The following KMT2E variants were observed in gnomAD, a reference collection of about 807,000 sequenced individuals.
KMT2E encodes the protein lysine methyltransferase 2E (inactive), also known as histone reader KMT2E.
KMT2E carries 30 observed loss-of-function variants against 184.6 expected under a neutral mutation model. The observed-to-expected ratio is 0.16, with a 90% confidence interval of 0.12 to 0.22. The LOEUF (loss-of-function observed/expected upper bound fraction) is 0.22, where lower values mean the gene tolerates loss of function less well. KMT2E is among the 10% of genes least tolerant of loss of function. The pLI is 1.00. For synonymous variants in KMT2E, 815 were observed against 776.5 expected (o/e 1.05, Z -0.82); for missense variants, 2,023 against 2,237.4 (o/e 0.90, Z 1.93).
intron 1 of KMT2E, among the ~76,000 whole-genome samples, chr7:105,035,499 A>G (rs1584706495): frequency 2.0e-5 from 3 of 150,426 alleles, no homozygotes; most frequent in East Asian, 3.9e-4. Flanking sequence ...TCCACTCAGC[A>G]TAATTACCTT....
chr7:105,041,301 A>T (rs1008316804), intron 3 of KMT2E, among the ~76,000 whole-genome samples: 2 of 152,116 alleles, frequency 1.3e-5, no homozygotes, highest in African/African-American at 4.8e-5. Context: ...GAAGCGATAC[A>T]TTTTTTACCA....
rs572580992 is a variant in KMT2E at position 105,084,161 on chromosome 7, T to C, written c.1358+2364T>C. ...TTATTATTTTTTACAATGGTACTTA[T>C]GCTGGATTCATTTATCTTGAGATGG... On this transcript the variant is annotated intron_variant, in intron 13 of 26. Coordinates refer to ENST00000311117, the MANE Select transcript of KMT2E (RefSeq NM_182931.3). Among the ~76,000 whole-genome samples the C allele has an allele frequency of 1.3e-4, 20 of 152,334 alleles. 1 individual carries two copies. In the South Asian group the frequency reaches 3.9e-3, roughly 30 times the overall value.
rs1797767444 is a variant in KMT2E at position 105,081,629 on chromosome 7, C to CT, written c.1249-58dup. On this transcript the variant is annotated intron_variant, in intron 12 of 26. Coordinates refer to ENST00000311117, the MANE Select transcript of KMT2E (RefSeq NM_182931.3). ...AAAGAATAATTTTCAAAATTGTAAGCTGATGCTTCTGAAGGCAGAAAGTAA... is the reference window on the plus strand; with the variant it reads ...AAAGAATAATTTTCAAAATTGTAAGCTTGATGCTTCTGAAGGCAGAAAGTAA... 17 of 830,372 alleles carry CT rather than the reference C, an allele frequency of 2.0e-5. No homozygotes were observed. In the South Asian group the frequency reaches 2.5e-4, roughly 12 times the overall value. The allele number at this position is 830,372 out of a possible 1,614,324, so 51.4% of individuals were successfully genotyped here.
Position 105,110,867 on chromosome 7 carries a change from A to G in KMT2E, c.4067A>G (p.Lys1356Arg). The change falls in exon 26 of 27, where the codon AAG becomes AGG. Residue 1356 changes from lysine (K) to arginine (R), a missense_variant and splice_region_variant. Around this residue, in one of 8 missense-constraint regions of KMT2E, gnomAD observed 1,108 missense variants for 1,050.9 expected, o/e 1.05. Coordinates refer to ENST00000311117, the MANE Select transcript of KMT2E (RefSeq NM_182931.3). ...NTCKSPPKMS[K>R]PGSPGSVIPA... ...TGTAAAAGTCCTCCAAAAATGAGCA[A>G]GGTAATAACATTGACCTTTCGATGG... The G allele has an allele frequency of 6.2e-7, 1 of 1,607,030 alleles. No homozygotes were observed. The highest frequency in any genetic ancestry group is 8.5e-7 in the Non-Finnish European group (1 of 1,173,562).
intron 1 of KMT2E, among the ~76,000 whole-genome samples, chr7:105,019,770 G>C (rs957280668): frequency 7.2e-5 from 11 of 152,070 alleles, no homozygotes; most frequent in African/African-American, 2.7e-4. Context: ...TAATCCAAAG[G>C]AAGAAACATT....
intron 6 of KMT2E, among the ~76,000 whole-genome samples, chr7:105,068,459 CTT>C (rs951515353): frequency 7.0e-6 from 1 of 142,754 alleles, no homozygotes. Context: ...ACAAACTTCT[CTT>C]TTTTTTTTTT....
chr7:105,108,172 A>C (rs1254191233), intron 22 of KMT2E, among the ~76,000 whole-genome samples: 2 of 152,130 alleles, frequency 1.3e-5, no homozygotes. Flanking sequence ...TCTCAAGATG[A>C]TTTATTTCAC....
Position 105,073,731 on chromosome 7 carries a change from C to T in KMT2E, c.556+54C>T, listed in dbSNP as rs1013349821. 1.4e-5 allele frequency: 15 copies of T among 1,035,268 alleles called. No homozygotes were observed. The Admixed American group carries it at 1.6e-4, about 11-fold the overall frequency. 64.1% of individuals were successfully genotyped at this position (1,035,268 alleles called of 1,614,324 possible). Reference sequence around the variant, plus strand: ...AAATTCGTGTGATTGAGAGAATAAACGGTTCTCTCAACTTTTAGTTAAATG... The same window carrying T: ...AAATTCGTGTGATTGAGAGAATAAATGGTTCTCTCAACTTTTAGTTAAATG... On this transcript the variant is annotated intron_variant, in intron 7 of 26. Transcript: ENST00000311117.
chr7:105,078,815 T>G, intron 11 of KMT2E, 31 bp from the exon 12 acceptor site: 5 of 1,310,668 alleles, frequency 3.8e-6, no homozygotes, highest in Non-Finnish European at 5.5e-6. Flanking sequence ...GCCTAAAATG[T>G]TAATAGCTTA....
In KMT2E at chr7:105,112,247, A is replaced by C; in HGVS notation, c.4491A>C (p.Arg1497Ser). Residue 1497 changes from arginine to serine, a missense_variant, in exon 27 of 27, where the codon AGA (arginine) becomes AGC (serine). Physicochemically the swap from Arg to Ser is moderately radical, Grantham distance 110. Around this residue, in one of 8 missense-constraint regions of KMT2E, gnomAD observed 1,108 missense variants for 1,050.9 expected, o/e 1.05. Transcript: ENST00000311117. Reference protein sequence around the residue: ...QVGTPQREPQRNFYPAAQNLP... With the variant: ...QVGTPQREPQSNFYPAAQNLP... Reference sequence around the variant, plus strand: ...GAACACCTCAGCGAGAGCCTCAAAGAAACTTTTATCCAGCAGCACAGAACC... The same window carrying C: ...GAACACCTCAGCGAGAGCCTCAAAGCAACTTTTATCCAGCAGCACAGAACC... 1 of 1,614,146 alleles carries C rather than the reference A, an allele frequency of 6.2e-7. No homozygotes were observed. Among genetic ancestry groups the C allele is most frequent in the South Asian group, 1.1e-5 (1 of 91,074 alleles).
intron 3 of KMT2E, among the ~76,000 whole-genome samples, chr7:105,051,413 G>A (rs996591468): frequency 1.4e-4 from 22 of 151,928 alleles, no homozygotes; most frequent in Non-Finnish European, 1.9e-4. Flanking sequence ...TCAAACTCCC[G>A]ACCTCAGGTG....
chr7:105,070,707 G>C lies in KMT2E; in HGVS notation c.498-2912G>C, dbSNP rs190144305. On this transcript the variant is annotated intron_variant, in intron 6 of 26. Transcript: ENST00000311117. ...ATGTGTCTGTGGTCCCAGCTCTTTG[G>C]GGGGCTGAGGCAGGAGGATTGCTTG... is the stretch of plus-strand genomic sequence containing the variant. Among the ~76,000 whole-genome samples the C allele has an allele frequency of 1.8e-3, 278 of 151,730 alleles. 1 individual carries two copies. Among genetic ancestry groups the C allele is most frequent in the African/African-American group, 5.2e-3 (214 of 41,426 alleles).
chr7:105,071,766 G>A (rs1474085887), intron 6 of KMT2E, among the ~76,000 whole-genome samples: 1 of 150,586 alleles, frequency 6.6e-6, no homozygotes, highest in Non-Finnish European at 1.5e-5. Context: ...CTGCAGTTTT[G>A]AATTCCAAAC....
intron 14 of KMT2E, among the ~76,000 whole-genome samples, chr7:105,090,938 T>C (rs1426668847): frequency 6.6e-6 from 1 of 152,236 alleles, no homozygotes; most frequent in Non-Finnish European, 1.5e-5. Flanking sequence ...TTTATATGTT[T>C]ATGTTTTGGG....
chr7:105,079,720 T>C (rs1026988181), intron 12 of KMT2E, among the ~76,000 whole-genome samples: 4 of 150,952 alleles, frequency 2.6e-5, no homozygotes, highest in African/African-American at 9.7e-5. Context: ...AGATGGAGTC[T>C]CATTTTGCTG....
intron 2 of KMT2E, among the ~76,000 whole-genome samples, chr7:105,040,603 A>C (rs955436292): frequency 1.3e-5 from 2 of 152,204 alleles, no homozygotes; most frequent in Admixed American, 6.5e-5. Context: ...TCTTCACTAA[A>C]TATGCCGTAG....
intron 13 of KMT2E, among the ~76,000 whole-genome samples, chr7:105,087,870 C>A (rs1332556660): frequency 9.9e-6 from 1 of 101,098 alleles, no homozygotes; most frequent in African/African-American, 3.8e-5. Context: ...ATTCTGTAGT[C>A]TTTTGGGTTA....
At chr7:105,020,563 C>T (rs2129563948) in intron 1 of KMT2E, among the ~76,000 whole-genome samples, 1 of 152,240 alleles carries the variant, frequency 6.6e-6, no homozygotes, top group Admixed American at 6.5e-5. Flanking sequence ...TCAGCCTGGG[C>T]AACGAGCGAA....
rs764097703 is a variant in KMT2E at position 105,112,244 on chromosome 7, A to G, written c.4488A>G (p.Gln1496=). The change falls in exon 27 of 27, where the codon CAA becomes CAG. Residue 1496 remains glutamine, a synonymous_variant. Coordinates refer to ENST00000311117, the MANE Select transcript of KMT2E (RefSeq NM_182931.3). ...PQVGTPQREP[Q]RNFYPAAQNL... is the part of the protein sequence containing the mutation. ...TTGGAACACCTCAGCGAGAGCCTCAAAGAAACTTTTATCCAGCAGCACAGA... is the reference window on the plus strand; with the variant it reads ...TTGGAACACCTCAGCGAGAGCCTCAGAGAAACTTTTATCCAGCAGCACAGA... The G allele has an allele frequency of 6.2e-7, 1 of 1,614,166 alleles. No individual in the cohort carries two copies. Among genetic ancestry groups the G allele is most frequent in the Non-Finnish European group, 8.5e-7 (1 of 1,180,028 alleles).
Sources: allele counts gnomAD v4.1 joint callset (sites outside exome capture counted in the v4.1 genomes callset), GRCh38; gene constraint gnomAD v4.1.1; regional missense constraint gnomAD v4.1.1; transcripts MANE v1.5; gene names NCBI Gene and HGNC (gene_info 2026-07-23, HGNC 2026-07-21).